The following USP25 variants were observed in gnomAD, a reference collection of about 807,000 sequenced individuals.
USP25 encodes the protein ubiquitin carboxyl-terminal hydrolase 25.
In USP25, 85 loss-of-function variants were observed where a neutral mutation model predicts 158.5. That is an observed-to-expected ratio of 0.54 (90% CI 0.45 to 0.64). The LOEUF (loss-of-function observed/expected upper bound fraction) is 0.64, where lower values mean the gene tolerates loss of function less well. Among genes scored for constraint, USP25 ranks in the 30% least tolerant of loss-of-function variants. The pLI is 0.00. For missense variants in USP25, 1,242 were observed against 1,327.3 expected, an observed-to-expected ratio of 0.94 and a Z score of 1.00; for synonymous variants, 464 against 460.4, an observed-to-expected ratio of 1.01 and a Z score of -0.10.
At position 15,839,102 on chromosome 21, in the gene USP25, C is replaced by T. The variant is rs1054278629; in HGVS notation, c.2195-3296C>T. Among the ~76,000 whole-genome samples the T allele has an allele frequency of 2.0e-4, 30 of 152,104 alleles. 1 individual carries two copies. The highest frequency in any genetic ancestry group is 6.3e-4 in the African/African-American group (26 of 41,416). ...ACTTTAGGAATAAGGATATTATTTA[C>T]CTCCATAGAGAACTGGTCATTCATG... is the stretch of plus-strand genomic sequence containing the variant. On this transcript the variant is annotated intron_variant, in intron 17 of 25. Coordinates refer to ENST00000400183, the MANE Select transcript of USP25 (RefSeq NM_001283041.3).
At chr21:15,760,434 G>T (rs114010944) in intron 1 of USP25, among the ~76,000 whole-genome samples, 58 of 152,328 alleles carry the variant, frequency 3.8e-4, no homozygotes, top group African/African-American at 1.4e-3. Context: ...TTCTAAGTTA[G>T]AAAAGAAAGA....
intron 4 of USP25, among the ~76,000 whole-genome samples, chr21:15,780,761 T>G (rs1460554817): frequency 6.6e-6 from 1 of 152,238 alleles, no homozygotes; most frequent in Admixed American, 6.5e-5. Context: ...GTATAACTCC[T>G]ACATTTTTTA....
intron 22 of USP25, among the ~76,000 whole-genome samples, chr21:15,867,682 T>G (rs1290212447): frequency 6.6e-6 from 1 of 152,136 alleles, no homozygotes. Context: ...CATGCAAACT[T>G]GTGTCAGACA....
chr21:15,771,970 CTT>C (rs796532342), intron 3 of USP25, among the ~76,000 whole-genome samples: 3 of 150,434 alleles, frequency 2.0e-5, no homozygotes, highest in South Asian at 2.1e-4. Flanking sequence ...TGGAAGAACT[CTT>C]TTTTTCTTCT....
chr21:15,753,507 A>G (rs1478626654), intron 1 of USP25, among the ~76,000 whole-genome samples: 1 of 152,192 alleles, frequency 6.6e-6, no homozygotes, highest in Non-Finnish European at 1.5e-5. Context: ...GTAATATTAT[A>G]TTTTATACAA....
intron 21 of USP25, among the ~76,000 whole-genome samples, chr21:15,864,691 T>C (rs2039581401): frequency 6.6e-6 from 1 of 152,188 alleles, no homozygotes; most frequent in South Asian, 2.1e-4. Context: ...ACTGCACTTA[T>C]TACACTCAAT....
At position 15,879,356 on chromosome 21, in the gene USP25, ATATT is replaced by A. The variant is rs2040211651; in HGVS notation, c.*882_*885del. On this transcript the variant is annotated 3_prime_UTR_variant, in exon 26 of 26. Coordinates refer to ENST00000400183, the MANE Select transcript of USP25 (RefSeq NM_001283041.3). ...TATACACATACACACATGTATATATATATTCTTCATAATGGAGGACAATGTTTTG... is the reference window on the plus strand; with the variant it reads ...TATACACATACACACATGTATATATACTTCATAATGGAGGACAATGTTTTG... The A allele has an allele frequency of 6.6e-6, 1 of 152,546 alleles. No homozygotes were observed. The highest frequency in any genetic ancestry group is 2.4e-5 in the African/African-American group (1 of 41,456). 9.4% of individuals were successfully genotyped at this position (152,546 alleles called of 1,614,324 possible).
At chr21:15,872,139 T>A (rs2039921272) in intron 23 of USP25, among the ~76,000 whole-genome samples, 1 of 151,608 alleles carries the variant, frequency 6.6e-6, no homozygotes, top group African/African-American at 2.4e-5. Context: ...ATGTAAACAT[T>A]TAAAGGCTTG....
chr21:15,877,856 G>T lies in USP25; in HGVS notation c.3070G>T (p.Gly1024Cys), dbSNP rs1187921492. The T allele has an allele frequency of 6.2e-7, 1 of 1,612,914 alleles. No individual in the cohort carries two copies. The highest frequency in any genetic ancestry group is 8.5e-7 in the Non-Finnish European group (1 of 1,179,428). Residue 1024 changes from glycine (G) to cysteine (C), a missense_variant, in exon 25 of 26, where the codon GGT (glycine) becomes TGT (cysteine). This residue lies in a region of USP25 where 608 missense variants were observed against 605.2 expected (regional missense o/e 1.00). Coordinates refer to ENST00000400183, the MANE Select transcript of USP25 (RefSeq NM_001283041.3). Reference sequence around the variant, plus strand: ...TGGAGAGGATCGAGAAGTAAACAATGGTTTGATTATCATGAATGAGTTTAT... The same window carrying T: ...TGGAGAGGATCGAGAAGTAAACAATTGTTTGATTATCATGAATGAGTTTAT... The part of the protein sequence containing the change: ...ESGEDREVNN[G>C]LIIMNEFIVP...
intron 1 of USP25, among the ~76,000 whole-genome samples, chr21:15,746,218 C>G (rs2032549634): frequency 6.6e-6 from 1 of 152,122 alleles, no homozygotes; most frequent in South Asian, 2.1e-4. Flanking sequence ...AACAGTTGGA[C>G]AAAGAGCCTT....
chr21:15,863,569 TAGAA>T (rs746778607), intron 20 of USP25, among the ~76,000 whole-genome samples: 2 of 152,198 alleles, frequency 1.3e-5, no homozygotes, highest in African/African-American at 2.4e-5. Flanking sequence ...AACTGATGCT[TAGAA>T]AGGTAAAACA....
chr21:15,842,645 T>G, intron 18 of USP25, 105 bp downstream of exon 18: 1 of 1,399,152 alleles, frequency 7.1e-7, no homozygotes, highest in Non-Finnish European at 9.7e-7. Flanking sequence ...CGGGGCCCAG[T>G]GATGGCTCTG....
At chr21:15,803,603 A>G (rs2036234891) in intron 6 of USP25, among the ~76,000 whole-genome samples, 1 of 151,896 alleles carries the variant, frequency 6.6e-6, no homozygotes, top group Non-Finnish European at 1.5e-5. Context: ...TTTACTTTTC[A>G]AATATGCTTC....
intron 1 of USP25, among the ~76,000 whole-genome samples, chr21:15,743,532 G>A (rs991883854): frequency 6.6e-6 from 1 of 152,176 alleles, no homozygotes; most frequent in South Asian, 2.1e-4. Flanking sequence ...TTTAGGTTTG[G>A]AATGAGGAGA....
At chr21:15,812,650 C>CAAAA (rs557050769) in intron 9 of USP25, among the ~76,000 whole-genome samples, 2 of 107,230 alleles carry the variant, frequency 1.9e-5, no homozygotes, top group African/African-American at 6.2e-5. Context: ...GACTCCGTCT[C>CAAAA]AAAAAAAAAA....
At chr21:15,870,188 G>C (rs749094130) in intron 23 of USP25, 41 bp downstream of exon 23, 33 of 1,471,592 alleles carry the variant, frequency 2.2e-5, no homozygotes, top group Non-Finnish European at 1.9e-5. Flanking sequence ...CATAATTTTT[G>C]CACTTAATTC....
chr21:15,860,946 G>A (rs889971540), intron 20 of USP25, among the ~76,000 whole-genome samples: 1 of 143,132 alleles, frequency 7.0e-6, no homozygotes, highest in Admixed American at 7.1e-5. Context: ...TATATATTTG[G>A]TATCTTCATA....
intron 1 of USP25, among the ~76,000 whole-genome samples, chr21:15,745,943 CA>C (rs1279309783): frequency 1.3e-5 from 2 of 152,196 alleles, no homozygotes; most frequent in African/African-American, 4.8e-5. Context: ...CTAGTCCCAG[CA>C]CCTACTTTTG....
At chr21:15,870,834 C>T (rs558280898) in intron 23 of USP25, among the ~76,000 whole-genome samples, 41 of 152,186 alleles carry the variant, frequency 2.7e-4, no homozygotes, top group Non-Finnish European at 3.5e-4. Context: ...ATTTAAGAAG[C>T]TCCCACTTAG....
Sources: gnomAD v4.1 joint callset for allele counts (sites outside exome capture counted in the v4.1 genomes callset) on GRCh38, gnomAD v4.1.1 for gene constraint, gnomAD v4.1.1 regional missense constraint, MANE v1.5 for transcripts, NCBI Gene and HGNC (gene_info 2026-07-23, HGNC 2026-07-21) for gene names.